Variants in PDE1C observed in about 807,000 individuals in gnomAD.
PDE1C encodes phosphodiesterase 1C, also known as dual specificity calcium/calmodulin-dependent 3',5'-cyclic nucleotide phosphodiesterase 1C.
PDE1C carries 62 observed loss-of-function variants against 93.1 expected under a neutral mutation model. The ratio of observed to expected loss-of-function variants is 0.67; its 90% CI spans 0.54 to 0.82. The LOEUF is 0.82. Ranked by LOEUF, PDE1C falls within the 40% of genes least tolerant of loss-of-function variation. The pLI is 0.00. For missense variants in PDE1C, 742 were observed against 884.6 expected, an observed-to-expected ratio of 0.84 and a Z score of 2.04; for synonymous variants, 325 against 310.1, an observed-to-expected ratio of 1.05 and a Z score of -0.50.
In PDE1C at chr7:31,865,106, T is replaced by C. The variant is rs764810616; in HGVS notation, c.610-24A>G. 12 of 1,613,524 alleles carry C rather than the reference T, an allele frequency of 7.4e-6. No homozygotes were observed. The African/African-American group carries it at 1.3e-4, about 18-fold the overall frequency. ...ATCTGAAAGAGAGCAGTAAGGTTAA[T>C]TAACTAGTGACTTCACTGCTTTCAA... is the stretch of plus-strand genomic sequence containing the variant. On this transcript the variant is annotated intron_variant, in intron 6 of 17. Coordinates refer to ENST00000396191, the MANE Select transcript of PDE1C (RefSeq NM_001191057.4).
chr7:32,231,996 C>T (rs1478324878), intron 1 of PDE1C, among the ~76,000 whole-genome samples: 2 of 149,958 alleles, frequency 1.3e-5, no homozygotes, highest in Non-Finnish European at 3.0e-5. Context: ...CACACACACA[C>T]ATATATGATG....
chr7:31,856,446 T>C (rs1481461333), intron 7 of PDE1C, among the ~76,000 whole-genome samples: 1 of 152,208 alleles, frequency 6.6e-6, no homozygotes, highest in Admixed American at 6.5e-5. Flanking sequence ...TCATGATCAC[T>C]GCTATGATAC....
intron 1 of PDE1C, among the ~76,000 whole-genome samples, chr7:32,349,884 T>C (rs889160462): frequency 6.6e-5 from 10 of 152,248 alleles, no homozygotes; most frequent in Non-Finnish European, 1.3e-4. Flanking sequence ...CGCCTCAGCC[T>C]CCCAAAGTGC....
intron 1 of PDE1C, among the ~76,000 whole-genome samples, chr7:32,307,827 G>A (rs1020333171): frequency 3.3e-5 from 5 of 152,240 alleles, no homozygotes; most frequent in African/African-American, 1.2e-4. Context: ...GGTGATTTCT[G>A]CATTCCATCT....
At chr7:31,705,765 G>A in the PDE1C span, among the ~76,000 whole-genome samples, 31 of 152,164 alleles carry the variant, frequency 2.0e-4, no homozygotes, top group African/African-American at 6.7e-4. Context: ...TGAGAAGGAA[G>A]GAGGCAGTGC....
intron 7 of PDE1C, among the ~76,000 whole-genome samples, chr7:31,860,606 C>A (rs1794582240): frequency 6.6e-6 from 1 of 152,120 alleles, no homozygotes; most frequent in African/African-American, 2.4e-5. Context: ...TTCATTTATA[C>A]AATCTGGATC....
chr7:31,895,261 C>T (rs1441769350), intron 2 of PDE1C, among the ~76,000 whole-genome samples: 1 of 152,136 alleles, frequency 6.6e-6, no homozygotes. Context: ...ATAGGTGCTA[C>T]AGCCAGACCT....
chr7:32,232,650 A>G (rs1189053319), intron 1 of PDE1C, among the ~76,000 whole-genome samples: 1 of 152,188 alleles, frequency 6.6e-6, no homozygotes, highest in African/African-American at 2.4e-5. Context: ...AAAGCAAACC[A>G]ATAAAGTTAC....
At chr7:32,218,378 C>T (rs1204993093) in intron 1 of PDE1C, among the ~76,000 whole-genome samples, 1 of 152,186 alleles carries the variant, frequency 6.6e-6, no homozygotes, top group African/African-American at 2.4e-5. Flanking sequence ...TTGAAAGTGG[C>T]AGGGATGGTG....
chr7:31,898,501 T>C (rs1386771883), intron 2 of PDE1C, among the ~76,000 whole-genome samples: 2 of 152,202 alleles, frequency 1.3e-5, no homozygotes, highest in African/African-American at 4.8e-5. Flanking sequence ...TAAATATACA[T>C]ATCATAATTT....
At chr7:31,655,222 G>A in the PDE1C span, among the ~76,000 whole-genome samples, 10 of 152,136 alleles carry the variant, frequency 6.6e-5, no homozygotes, top group East Asian at 1.9e-4. Context: ...GATCCTCTCT[G>A]TCAGTGGCAC....
intron 1 of PDE1C, among the ~76,000 whole-genome samples, chr7:32,053,221 C>T (rs1231474296): frequency 6.6e-6 from 1 of 152,160 alleles, no homozygotes; most frequent in Non-Finnish European, 1.5e-5. Context: ...CTTCTGAGAC[C>T]TTGTTATGAG....
chr7:31,888,809 A>T (rs1195621009), intron 2 of PDE1C, among the ~76,000 whole-genome samples: 1 of 151,818 alleles, frequency 6.6e-6, no homozygotes, highest in African/African-American at 2.4e-5. Flanking sequence ...GGAAAAAAAT[A>T]ATATCTTTAA....
At chr7:31,621,630 T>C in the PDE1C span, among the ~76,000 whole-genome samples, 143,615 of 147,008 alleles carry the variant, frequency 0.98, 70,191 homozygotes, top group East Asian at 0.99. Flanking sequence ...AAGGAACAAC[T>C]GGTACCAGAC....
intron 17 of PDE1C, among the ~76,000 whole-genome samples, chr7:31,769,689 T>A (rs1795358114): frequency 6.6e-6 from 1 of 152,212 alleles, no homozygotes; most frequent in Non-Finnish European, 1.5e-5. Flanking sequence ...TTCACAACCA[T>A]CACCACTGTT....
At chr7:32,132,418 C>A (rs1284473480) in intron 3 of PDE1C, among the ~76,000 whole-genome samples, 11 of 152,112 alleles carry the variant, frequency 7.2e-5, no homozygotes, top group Non-Finnish European at 8.8e-5. Context: ...AATCCCAACA[C>A]TTTGGGAGGC....
At chr7:32,332,954 G>A (rs62457541) in intron 1 of PDE1C, among the ~76,000 whole-genome samples, 11,437 of 152,174 alleles carry the variant, frequency 0.075, 495 homozygotes, top group Non-Finnish European at 0.093. Context: ...AATCTGGCCA[G>A]TGGCTCCACA....
chr7:32,018,220 A>G (rs193140046), intron 2 of PDE1C, among the ~76,000 whole-genome samples: 52 of 152,212 alleles, frequency 3.4e-4, no homozygotes, highest in African/African-American at 1.2e-3. Flanking sequence ...TGGGAATGTA[A>G]TATGTATGGT....
the PDE1C span, among the ~76,000 whole-genome samples, chr7:31,663,133 A>G: frequency 6.6e-6 from 1 of 152,120 alleles, no homozygotes; most frequent in Non-Finnish European, 1.5e-5. Flanking sequence ...AATCCTCTTC[A>G]TACTCTGATT....
Sources: gnomAD v4.1 joint callset for allele counts (sites outside exome capture counted in the v4.1 genomes callset) on GRCh38, gnomAD v4.1.1 for gene constraint, MANE v1.5 for transcripts, NCBI Gene and HGNC (gene_info 2026-07-23, HGNC 2026-07-21) for gene names.